Variants in ABCD3 observed in about 807,000 individuals in gnomAD.
ABCD3 encodes the protein ATP binding cassette subfamily D member 3.
A neutral mutation model predicts 105.5 loss-of-function variants in ABCD3; 41 were observed. The ratio of observed to expected loss-of-function variants is 0.39; its 90% CI spans 0.30 to 0.50. ABCD3 has a LOEUF of 0.50. Among genes scored for constraint, ABCD3 ranks in the 20% least tolerant of loss-of-function variants. The pLI is 0.84. For synonymous variants in ABCD3, 258 were observed against 269.0 expected (o/e 0.96, Z 0.40); for missense variants, 622 against 806.3 (o/e 0.77, Z 2.77).
At chr1:94,443,661 A>T (rs1419439569) in intron 1 of ABCD3, among the ~76,000 whole-genome samples, 1 of 152,072 alleles carries the variant, frequency 6.6e-6, no homozygotes, top group Admixed American at 6.5e-5. Context: ...TAATTTTTGT[A>T]TGTGGTGAGA....
chr1:94,477,757 C>T (rs148867607), intron 7 of ABCD3, among the ~76,000 whole-genome samples: 1,922 of 68,410 alleles, frequency 0.028, 43 homozygotes, highest in African/African-American at 0.06. Flanking sequence ...TTTTATATCA[C>T]AAAATTAGAT....
intron 20 of ABCD3, among the ~76,000 whole-genome samples, chr1:94,500,808 G>C (rs1396432924): frequency 6.6e-6 from 1 of 152,072 alleles, no homozygotes; most frequent in Non-Finnish European, 1.5e-5. Context: ...AACGTGAGAT[G>C]AATCTAGTGT....
chr1:94,421,894 G>A (rs1205244095), intron 1 of ABCD3, among the ~76,000 whole-genome samples: 5 of 152,086 alleles, frequency 3.3e-5, no homozygotes, highest in African/African-American at 1.2e-4. Flanking sequence ...ATCTTCCACT[G>A]CCACCAGAGC....
chr1:94,466,247 T>G (rs961286021), intron 3 of ABCD3, among the ~76,000 whole-genome samples: 3 of 152,184 alleles, frequency 2.0e-5, no homozygotes, highest in African/African-American at 7.2e-5. Flanking sequence ...TCACACACTT[T>G]TAAGATCTGC....
In ABCD3 at chr1:94,464,865, T is replaced by C. The variant is rs1244574221; in HGVS notation, c.238T>C (p.Cys80Arg). The C allele has an allele frequency of 6.2e-7, 1 of 1,612,852 alleles. No homozygotes were observed. Among genetic ancestry groups the C allele is most frequent in the African/African-American group, 1.3e-5 (1 of 75,008 alleles). Reference sequence around the variant, plus strand: ...GAAAATCATGGTCCCTAGAACATTTTGTAAAGAGGTAAGTCTTATGAAATT... The same window carrying C: ...GAAAATCATGGTCCCTAGAACATTTCGTAAAGAGGTAAGTCTTATGAAATT... ...ILKIMVPRTF[C>R]KETGYLVLIA... Residue 80 changes from cysteine to arginine, a missense_variant, in exon 3 of 23, where the codon TGT becomes CGT. Around this residue, in one of 4 missense-constraint regions of ABCD3, gnomAD observed 245 missense variants for 356.4 expected, o/e 0.69. Transcript: ENST00000370214.
chr1:94,450,292 A>G (rs1660528164), intron 1 of ABCD3, among the ~76,000 whole-genome samples: 1 of 152,214 alleles, frequency 6.6e-6, no homozygotes, highest in African/African-American at 2.4e-5. Flanking sequence ...TGCAAAACAA[A>G]TAAGGGGGAC....
the ABCD3 span, among the ~76,000 whole-genome samples, chr1:94,394,221 A>G: frequency 9.2e-5 from 14 of 152,320 alleles, 1 homozygote; most frequent in Middle Eastern, 0.02. Context: ...CTCACCAGGC[A>G]CAATTAGCAT....
chr1:94,501,278 A>C (rs4148041), intron 20 of ABCD3, among the ~76,000 whole-genome samples: 108 of 151,806 alleles, frequency 7.1e-4, no homozygotes, highest in East Asian at 5.2e-3. Context: ...AAAAAAAAAA[A>C]AAAAAACACA....
At chr1:94,515,104 ACT>A in intron 21 of ABCD3, 40 bp from the exon 22 acceptor site, 1 of 1,464,914 alleles carries the variant, frequency 6.8e-7, no homozygotes, top group East Asian at 2.3e-5. Flanking sequence ...TTAATTTGTG[ACT>A]CTGTTACTCA....
chr1:94,491,990 G>A (rs529230360), intron 16 of ABCD3, among the ~76,000 whole-genome samples: 11 of 152,118 alleles, frequency 7.2e-5, no homozygotes, highest in East Asian at 1.9e-4. Context: ...ACACTTTCCC[G>A]TAGAACTTTC....
At chr1:94,514,959 A>G (rs1367529604) in intron 21 of ABCD3, 187 bp from the exon 22 acceptor site, 4 of 555,728 alleles carry the variant, frequency 7.2e-6, no homozygotes, top group African/African-American at 1.9e-5. Flanking sequence ...AGTTTTTATT[A>G]TGTGGTTGAT....
At chr1:94,391,293 A>G in the ABCD3 span, among the ~76,000 whole-genome samples, 1 of 152,166 alleles carries the variant, frequency 6.6e-6, no homozygotes, top group South Asian at 2.1e-4. Context: ...GGTTTTGGCC[A>G]TTATTTTTAA....
chr1:94,479,036 T>C (rs1648903559), intron 8 of ABCD3, among the ~76,000 whole-genome samples: 1 of 152,242 alleles, frequency 6.6e-6, no homozygotes, highest in Non-Finnish European at 1.5e-5. Flanking sequence ...GTTTTACATA[T>C]GTGTATGTGT....
chr1:94,467,835 A>G (rs1570783022), intron 3 of ABCD3, 84 bp from the exon 4 acceptor site: 1 of 969,582 alleles, frequency 1.0e-6, no homozygotes, highest in Admixed American at 2.0e-5. Context: ...TTAGATTTGG[A>G]AACCAAAAAT....
At chr1:94,458,145 T>G (rs1647677936) in intron 1 of ABCD3, among the ~76,000 whole-genome samples, 2 of 152,200 alleles carry the variant, frequency 1.3e-5, no homozygotes, top group South Asian at 4.1e-4. Flanking sequence ...TGACACATGT[T>G]CTGTCATCCT....
At chr1:94,406,563 A>C in the ABCD3 span, 1 of 343,946 alleles carries the variant, frequency 2.9e-6, no homozygotes, top group South Asian at 2.6e-5. Context: ...GCGTTTCAGG[A>C]AGCTATCTCA....
chr1:94,463,964 G>T (rs1361756199), intron 2 of ABCD3, among the ~76,000 whole-genome samples: 1 of 152,060 alleles, frequency 6.6e-6, no homozygotes, highest in Admixed American at 6.6e-5. Context: ...TGTGCTCGTT[G>T]TTCCTTGTGC....
At chr1:94,391,970 G>A in the ABCD3 span, among the ~76,000 whole-genome samples, 1 of 152,178 alleles carries the variant, frequency 6.6e-6, no homozygotes, top group Non-Finnish European at 1.5e-5. Flanking sequence ...CGGTGGGGGA[G>A]GGAGTGGTTG....
chr1:94,508,296 A>G (rs1570837935), intron 21 of ABCD3, among the ~76,000 whole-genome samples: 2 of 152,234 alleles, frequency 1.3e-5, no homozygotes, highest in Non-Finnish European at 2.9e-5. Flanking sequence ...AAGATTAGAT[A>G]GTTGTAGATA....
Sources: allele counts gnomAD v4.1 joint callset (sites outside exome capture counted in the v4.1 genomes callset), GRCh38; gene constraint gnomAD v4.1.1; regional missense constraint gnomAD v4.1.1; transcripts MANE v1.5; gene names NCBI Gene and HGNC (gene_info 2026-07-23, HGNC 2026-07-21).